The following MAP2K6 variants were observed in gnomAD, a reference collection of about 807,000 sequenced individuals.
The protein encoded by MAP2K6 is dual specificity mitogen-activated protein kinase kinase 6.
In MAP2K6, 16 loss-of-function variants were observed where a neutral mutation model predicts 53.7. That is an observed-to-expected ratio of 0.30 (90% CI 0.20 to 0.45). The LOEUF is 0.45. MAP2K6 is among the 20% of genes least tolerant of loss of function. The pLI is 1.00. For synonymous variants in MAP2K6, 132 were observed against 143.1 expected (o/e 0.92, Z 0.55); for missense variants, 204 against 411.9 (o/e 0.50, Z 4.37).
In MAP2K6 at chr17:69,547,915, C is replaced by T. The variant is rs549362986; in HGVS notation, c.*6162C>T. ...GAGAATCACGAACCCAGACACTAGT[C>T]AATCTCTCTATTCCCTGACTTGTAC... On this transcript the variant is annotated 3_prime_UTR_variant, in exon 12 of 12. Transcript: ENST00000590474. 7.9e-5 allele frequency: 12 copies of T among 152,290 alleles called. No homozygotes were observed. Among genetic ancestry groups the T allele is most frequent in the Non-Finnish European group, 1.5e-4 (10 of 68,010 alleles). The allele number at this position is 152,290 out of a possible 1,614,324, so 9.4% of individuals were successfully genotyped here.
chr17:69,432,036 A>G (rs1374147060), intron 1 of MAP2K6, among the ~76,000 whole-genome samples: 3 of 152,226 alleles, frequency 2.0e-5, no homozygotes, highest in Non-Finnish European at 2.9e-5. Flanking sequence ...GGTGCTGTAG[A>G]TCCAGCTTAT....
At chr17:69,445,927 C>T (rs1171980827) in intron 1 of MAP2K6, among the ~76,000 whole-genome samples, 1 of 152,180 alleles carries the variant, frequency 6.6e-6, no homozygotes, top group Non-Finnish European at 1.5e-5. Context: ...CTATCAGCTT[C>T]AGTTTCAAAT....
intron 1 of MAP2K6, chr17:69,435,219 A>G (rs1391796083): frequency 6.6e-6 from 1 of 152,236 alleles, no homozygotes; most frequent in Non-Finnish European, 1.5e-5. Context: ...CAATGGAGAT[A>G]GAGGAAGAAT....
chr17:69,519,540 A>T, intron 5 of MAP2K6, 108 bp downstream of exon 5: 1 of 1,381,794 alleles, frequency 7.2e-7, no homozygotes, highest in Non-Finnish European at 1.0e-6. Flanking sequence ...TGTTTGACAC[A>T]TCTTGTATAC....
Position 69,435,041 on chromosome 17 carries a change from G to T in MAP2K6, c.16+20041G>T, listed in dbSNP as rs1412183731. ...AACATTTTACCTTTCCTGCACTCCA[G>T]TTGGGCTCAAGGATATCATCCATGC... On this transcript the variant is annotated intron_variant, in intron 1 of 11. Transcript: ENST00000590474. 3 of 152,198 alleles carry T rather than the reference G, an allele frequency of 2.0e-5. No individual in the cohort carries two copies. In the East Asian group the frequency reaches 5.8e-4, roughly 29 times the overall value. 9.4% of individuals were successfully genotyped at this position (152,198 alleles called of 1,614,324 possible).
intron 1 of MAP2K6, among the ~76,000 whole-genome samples, chr17:69,483,339 A>G (rs918681279): frequency 5.3e-5 from 8 of 152,082 alleles, no homozygotes; most frequent in Middle Eastern, 3.2e-3. Flanking sequence ...AATATGGTGA[A>G]ATAATTTCCT....
intron 1 of MAP2K6, among the ~76,000 whole-genome samples, chr17:69,453,334 A>G (rs566682010): frequency 2.0e-5 from 3 of 152,346 alleles, no homozygotes; most frequent in East Asian, 3.9e-4. Flanking sequence ...ATGACAGGCA[A>G]ATGAATCCAA....
intron 10 of MAP2K6, among the ~76,000 whole-genome samples, chr17:69,533,884 G>A (rs577377559): frequency 6.6e-6 from 1 of 152,120 alleles, no homozygotes; most frequent in Admixed American, 6.6e-5. Flanking sequence ...GCAGGAGACG[G>A]TCGTGGTGAG....
chr17:69,433,613 A>G (rs1448301491), intron 1 of MAP2K6: 1 of 152,212 alleles, frequency 6.6e-6, no homozygotes, highest in African/African-American at 2.4e-5. Context: ...TGGAGAGTGT[A>G]AAGAGAGATG....
chr17:69,541,636 G>C (rs1489116225), intron 11 of MAP2K6, 40 bp from the exon 12 acceptor site: 16 of 1,436,218 alleles, frequency 1.1e-5, no homozygotes, highest in Non-Finnish European at 1.5e-5. Context: ...TTGATTGTCA[G>C]TAAGACATTA....
intron 1 of MAP2K6, among the ~76,000 whole-genome samples, chr17:69,428,312 T>C (rs562981756): frequency 6.6e-6 from 1 of 152,354 alleles, no homozygotes; most frequent in African/African-American, 2.4e-5. Flanking sequence ...TGTTTTGTGC[T>C]TCTTCCCTGG....
At chr17:69,485,828 C>CT (rs921486855) in intron 1 of MAP2K6, among the ~76,000 whole-genome samples, 56 of 152,098 alleles carry the variant, frequency 3.7e-4, no homozygotes, top group African/African-American at 2.7e-4. Flanking sequence ...CCCTCATGGG[C>CT]TTTTTTTCTT....
chr17:69,528,689 T>G (rs1457976743), intron 10 of MAP2K6, among the ~76,000 whole-genome samples: 1 of 151,682 alleles, frequency 6.6e-6, no homozygotes. Context: ...TGAAAACCCA[T>G]CTCTGCTAAA....
intron 11 of MAP2K6, among the ~76,000 whole-genome samples, chr17:69,538,558 G>T (rs763097463): frequency 3.3e-5 from 5 of 152,146 alleles, no homozygotes; most frequent in Non-Finnish European, 7.3e-5. Context: ...GAAAACACTT[G>T]CTGAGAGGCA....
chr17:69,536,417 G>A (rs1013475613), intron 11 of MAP2K6, among the ~76,000 whole-genome samples: 10 of 152,056 alleles, frequency 6.6e-5, no homozygotes, highest in African/African-American at 2.2e-4. Flanking sequence ...CAAATTATGT[G>A]TATACAATTT....
chr17:69,468,750 C>G (rs1418888833), intron 1 of MAP2K6, among the ~76,000 whole-genome samples: 1 of 152,148 alleles, frequency 6.6e-6, no homozygotes, highest in Non-Finnish European at 1.5e-5. Flanking sequence ...CCTTCATCAT[C>G]CCTCTTTTCT....
At chr17:69,426,122 C>T (rs1906269126) in intron 1 of MAP2K6, among the ~76,000 whole-genome samples, 2 of 152,228 alleles carry the variant, frequency 1.3e-5, no homozygotes, top group African/African-American at 4.8e-5. Flanking sequence ...AACTCTTGGG[C>T]TCAAACATCC....
At chr17:69,509,559 T>A (rs951048509) in intron 2 of MAP2K6, among the ~76,000 whole-genome samples, 11 of 152,150 alleles carry the variant, frequency 7.2e-5, no homozygotes, top group South Asian at 6.2e-4. Context: ...AGTCATGGCA[T>A]CTGTAAATGG....
chr17:69,493,307 TTGTGTGTGTG>T (rs3216905), intron 1 of MAP2K6, among the ~76,000 whole-genome samples: 5 of 150,364 alleles, frequency 3.3e-5, no homozygotes, highest in Non-Finnish European at 7.4e-5. Context: ...GTGTATGTGT[TTGTGTGTGTG>T]TGTGTGTGTG....
Sources: allele counts gnomAD v4.1 joint callset (sites outside exome capture counted in the v4.1 genomes callset), GRCh38; gene constraint gnomAD v4.1.1; transcripts MANE v1.5; gene names NCBI Gene and HGNC (gene_info 2026-07-23, HGNC 2026-07-21).